Variants in FBRSL1 observed in about 807,000 individuals in gnomAD.
The protein encoded by FBRSL1 is fibrosin like 1.
A neutral mutation model predicts 89.6 loss-of-function variants in FBRSL1; 51 were observed. The observed-to-expected ratio is 0.57, with a 90% CI of 0.45 to 0.72. The LOEUF (loss-of-function observed/expected upper bound fraction) is 0.72, where lower values mean the gene tolerates loss of function less well. FBRSL1 is among the 30% of genes least tolerant of loss of function. The pLI is 0.00. For synonymous variants in FBRSL1, 779 were observed against 681.1 expected, an observed-to-expected ratio of 1.14 and a Z score of -2.24; for missense variants, 1,618 against 1,451.8, an observed-to-expected ratio of 1.11 and a Z score of -1.86.
intron 2 of FBRSL1, 41 bp from the exon 3 acceptor site, chr12:132,525,693 A>G: frequency 6.7e-7 from 1 of 1,493,820 alleles, no homozygotes; most frequent in Non-Finnish European, 9.1e-7. Flanking sequence ...GGACGCGGTG[A>G]GGTGGGGGTT....
At chr12:132,529,717 G>T (rs1476395311) in intron 4 of FBRSL1, among the ~76,000 whole-genome samples, 1 of 24,860 alleles carries the variant, frequency 4.0e-5, no homozygotes, top group African/African-American at 3.2e-4. Flanking sequence ...GCTCTTCTCT[G>T]CCACCCTGGG....
intron 1 of FBRSL1, among the ~76,000 whole-genome samples, chr12:132,493,489 C>T (rs1349490143): frequency 6.6e-6 from 1 of 152,214 alleles, no homozygotes; most frequent in Non-Finnish European, 1.5e-5. Flanking sequence ...ACACTGGGAC[C>T]AACTCTCGGC....
chr12:132,578,341 T>TCACACACACACACA (rs547551851), intron 15 of FBRSL1, among the ~76,000 whole-genome samples: 71 of 28,652 alleles, frequency 2.5e-3, no homozygotes, highest in African/African-American at 7.2e-3. Context: ...CAAGACCCTG[T>TCACACACACACACA]CTCACACACA....
intron 1 of FBRSL1, among the ~76,000 whole-genome samples, chr12:132,501,739 G>T (rs565936888): frequency 1.1e-4 from 17 of 152,312 alleles, no homozygotes; most frequent in Admixed American, 9.8e-4. Context: ...GACCCCAGTG[G>T]TGGATTCCTC....
intron 2 of FBRSL1, among the ~76,000 whole-genome samples, chr12:132,520,257 TAGCACACCCTCCTTGCACACCTCC>T (rs2035235451): frequency 6.8e-6 from 1 of 146,054 alleles, no homozygotes; most frequent in Non-Finnish European, 1.5e-5. Flanking sequence ...TGCACACCTC[TAGCACACCCTCCTTGCACACCTCC>T]AGCAGCTGTG....
At chr12:132,505,084 C>G (rs1018457479) in intron 1 of FBRSL1, among the ~76,000 whole-genome samples, 1 of 152,152 alleles carries the variant, frequency 6.6e-6, no homozygotes, top group African/African-American at 2.4e-5. Flanking sequence ...CAAGATTGTG[C>G]CACTGCACTC....
intron 15 of FBRSL1, among the ~76,000 whole-genome samples, chr12:132,578,087 A>G (rs1477433967): frequency 6.6e-6 from 1 of 152,220 alleles, no homozygotes; most frequent in Non-Finnish European, 1.5e-5. Context: ...AGGAATCCTT[A>G]CGATAGCATA....
intron 4 of FBRSL1, among the ~76,000 whole-genome samples, chr12:132,535,318 A>G (rs2036618127): frequency 1.3e-5 from 2 of 152,236 alleles, no homozygotes; most frequent in Admixed American, 6.5e-5. Context: ...CTCATTAATT[A>G]TTCTGGCCCA....
intron 5 of FBRSL1, among the ~76,000 whole-genome samples, chr12:132,563,540 C>T (rs2039322464): frequency 6.6e-6 from 1 of 152,200 alleles, no homozygotes; most frequent in East Asian, 1.9e-4. Context: ...TCTTGGATCT[C>T]CTTCCGTCTG....
chr12:132,505,049 C>T (rs2033512530), intron 1 of FBRSL1, among the ~76,000 whole-genome samples: 1 of 152,152 alleles, frequency 6.6e-6, no homozygotes, highest in South Asian at 2.1e-4. Context: ...TTGCTTAAAC[C>T]CGGGATGCAG....
In FBRSL1 at chr12:132,572,354, C is replaced by T. The variant is rs1441091976; in HGVS notation, c.1434+10C>T. 1 of 1,550,840 alleles carries T rather than the reference C, an allele frequency of 6.4e-7. No individual in the cohort carries two copies. The highest frequency in any genetic ancestry group is 8.7e-7 in the Non-Finnish European group (1 of 1,146,634). On this transcript the variant is annotated intron_variant, in intron 10 of 18. Coordinates refer to ENST00000680143, the MANE Select transcript of FBRSL1 (RefSeq NM_001367871.1). ...ACATTCCAGCGTGAGTGTGAGTGTCCCCGAGGGGCCCGGCGCGTGTCGCTG... is the reference window on the plus strand; with the variant it reads ...ACATTCCAGCGTGAGTGTGAGTGTCTCCGAGGGGCCCGGCGCGTGTCGCTG...
At chr12:132,533,358 A>T (rs1009191387) in intron 4 of FBRSL1, among the ~76,000 whole-genome samples, 7 of 131,464 alleles carry the variant, frequency 5.3e-5, no homozygotes, top group East Asian at 2.5e-4. Flanking sequence ...TCAGAGAGCC[A>T]CAGTCTCCTC....
intron 4 of FBRSL1, among the ~76,000 whole-genome samples, chr12:132,543,018 A>G (rs1160742826): frequency 2.0e-5 from 3 of 152,178 alleles, no homozygotes; most frequent in Admixed American, 6.5e-5. Flanking sequence ...GATGGGGGCC[A>G]AGCCCCCTCC....
rs1299803056 is a variant in FBRSL1, at chr12:132,537,725, C to T, written c.615+9737C>T. Among the ~76,000 whole-genome samples the T allele has an allele frequency of 1.3e-5, 2 of 152,186 alleles. 1 individual carries two copies. Among genetic ancestry groups the T allele is most frequent in the East Asian group, 3.8e-4 (2 of 5,196 alleles). On this transcript the variant is annotated intron_variant, in intron 4 of 18. Coordinates refer to ENST00000680143, the MANE Select transcript of FBRSL1 (RefSeq NM_001367871.1). ...CCCCACGAGGATAGTTTTGTCCCCT[C>T]CAACCACAGTGTGGGGCAACAGGCA...
At chr12:132,550,697 A>T (rs1395684475) in intron 5 of FBRSL1, 3 of 152,664 alleles carry the variant, frequency 2.0e-5, no homozygotes, top group Non-Finnish European at 4.4e-5. Flanking sequence ...AGCGAGAGAG[A>T]GGAGCCCAGA....
chr12:132,510,730 C>T (rs2034237466), intron 2 of FBRSL1: 4 of 1,208,696 alleles, frequency 3.3e-6, no homozygotes, highest in East Asian at 3.4e-5. Flanking sequence ...CCCTCTCCCC[C>T]CACTGGCGTC....
intron 3 of FBRSL1, among the ~76,000 whole-genome samples, chr12:132,527,636 AGGGCTGCGGGGCTGCGGGGCAGGGTTGT>A (rs1566145779): frequency 7.2e-5 from 6 of 83,878 alleles, no homozygotes; most frequent in East Asian, 7.8e-4. Flanking sequence ...GGCAGGGTTG[AGGGCTGCGGGGCTGCGGGGCAGGGTTGT>A]GGGCTGCGGG....
In FBRSL1 at chr12:132,583,110, C is replaced by T. The variant is rs1231841930; in HGVS notation, c.2341C>T (p.Arg781Trp). The change falls in exon 19 of 19, where the codon CGG (arginine) becomes TGG (tryptophan). Residue 781 changes from arginine (R) to tryptophan (W), a missense_variant. Transcript: ENST00000680143. ...GAPAEREAEP[R>W]VKESRSPAKE... ...CCCCGCGGAGCGCGAGGCCGAACCT[C>T]GGGTCAAGGAGAGCCGCTCCCCGGC... 1.1e-5 allele frequency: 16 copies of T among 1,456,190 alleles called. No individual in the cohort carries two copies. The East Asian group carries it at 4.7e-4, about 43-fold the overall frequency. 90.2% of individuals were successfully genotyped at this position (1,456,190 alleles called of 1,614,324 possible). A position where few individuals can be genotyped will look rare whatever the true frequency, so the allele number is the denominator to read the frequency against.
chr12:132,497,383 A>T (rs1593230753), intron 1 of FBRSL1, among the ~76,000 whole-genome samples: 1 of 151,976 alleles, frequency 6.6e-6, no homozygotes, highest in South Asian at 2.1e-4. Context: ...GGAGGACCAC[A>T]GAGCTGGCCC....
Sources: gnomAD v4.1 joint callset for allele counts (sites outside exome capture counted in the v4.1 genomes callset) on GRCh38, gnomAD v4.1.1 for gene constraint, MANE v1.5 for transcripts, NCBI Gene and HGNC (gene_info 2026-07-23, HGNC 2026-07-21) for gene names.